ITGA8: variants seen among roughly 807,000 people sequenced by gnomAD.
ITGA8 encodes integrin subunit alpha 8.
ITGA8 carries 91 observed loss-of-function variants against 142.3 expected under a neutral mutation model. That is an observed-to-expected ratio of 0.64 (90% confidence interval 0.54 to 0.76). The LOEUF (loss-of-function observed/expected upper bound fraction) is 0.76, where lower values mean the gene tolerates loss of function less well. Among genes scored for constraint, ITGA8 ranks in the 30% least tolerant of loss-of-function variants. ITGA8 has a pLI of 0.00. For synonymous variants in ITGA8, 505 were observed against 485.2 expected (o/e 1.04, Z -0.54); for missense variants, 1,406 against 1,327.7 (o/e 1.06, Z -0.92).
intron 26 of ITGA8, among the ~76,000 whole-genome samples, chr10:15,550,516 T>A (rs1243368688): frequency 6.6e-6 from 1 of 152,172 alleles, no homozygotes; most frequent in East Asian, 1.9e-4. Flanking sequence ...TAGCCAGCTC[T>A]GCTAGAGGAT....
intron 8 of ITGA8, among the ~76,000 whole-genome samples, chr10:15,671,357 G>A (rs2131685333): frequency 6.6e-6 from 1 of 152,020 alleles, no homozygotes; most frequent in African/African-American, 2.4e-5. Flanking sequence ...TCATAACATG[G>A]GATTATGGCC....
intron 24 of ITGA8, among the ~76,000 whole-genome samples, 167 bp from the exon 25 acceptor site, chr10:15,572,536 A>G (rs1184342377): frequency 6.6e-6 from 1 of 152,190 alleles, no homozygotes; most frequent in Non-Finnish European, 1.5e-5. Flanking sequence ...GGCAAGAAGC[A>G]CTCTGAAAGC....
intron 13 of ITGA8, among the ~76,000 whole-genome samples, chr10:15,642,057 G>A (rs1300112092): frequency 6.6e-6 from 1 of 152,184 alleles, no homozygotes; most frequent in Non-Finnish European, 1.5e-5. Context: ...GAACCCAGGA[G>A]GTGGAAGTTG....
At chr10:15,636,137 T>A (rs183219594) in intron 13 of ITGA8, among the ~76,000 whole-genome samples, 2 of 152,330 alleles carry the variant, frequency 1.3e-5, no homozygotes, top group Admixed American at 1.3e-4. Flanking sequence ...ACAAAATCTG[T>A]ACCGCCCCTC....
intron 13 of ITGA8, among the ~76,000 whole-genome samples, chr10:15,641,550 C>G (rs897129902): frequency 2.6e-5 from 4 of 152,082 alleles, no homozygotes; most frequent in African/African-American, 9.7e-5. Context: ...GTTATAGAAT[C>G]ATGAATCACA....
chr10:15,719,537 G>C, intron 1 of ITGA8, 26 bp downstream of exon 1: 1 of 1,522,596 alleles, frequency 6.6e-7, no homozygotes, highest in Non-Finnish European at 8.7e-7. Context: ...GTCCCCGCGC[G>C]CACCTCCCCG....
At chr10:15,713,000 C>G (rs45447892) in intron 2 of ITGA8, among the ~76,000 whole-genome samples, 4 of 152,218 alleles carry the variant, frequency 2.6e-5, no homozygotes, top group Non-Finnish European at 4.4e-5. Flanking sequence ...CTCAACTAGC[C>G]ATACAGCAGA....
intron 3 of ITGA8, among the ~76,000 whole-genome samples, chr10:15,686,918 AAATC>A (rs1332891460): frequency 1.3e-5 from 2 of 152,220 alleles, no homozygotes; most frequent in Non-Finnish European, 2.9e-5. Flanking sequence ...ACACACAAAA[AAATC>A]AAAACAGTAT....
chr10:15,591,259 A>G (rs2131595848), intron 22 of ITGA8, among the ~76,000 whole-genome samples: 1 of 152,118 alleles, frequency 6.6e-6, no homozygotes, highest in South Asian at 2.1e-4. Flanking sequence ...GGTATAAATA[A>G]ATATAGAAGG....
chr10:15,658,770 T>C (rs1834232840), intron 10 of ITGA8, among the ~76,000 whole-genome samples: 1 of 152,204 alleles, frequency 6.6e-6, no homozygotes, highest in African/African-American at 2.4e-5. Flanking sequence ...TATTTGCTTG[T>C]TAATAAACTG....
chr10:15,593,147 T>C lies in ITGA8; in HGVS notation c.2212-843A>G, dbSNP rs1452379239. On this transcript the variant is annotated intron_variant, in intron 21 of 29. Transcript: ENST00000378076. ...TATAGGAAAACATTTCAGAATAATATGTTCTAGTTGAGGTTACAGTTACAT... is the reference window on the plus strand; with the variant it reads ...TATAGGAAAACATTTCAGAATAATACGTTCTAGTTGAGGTTACAGTTACAT... Among the ~76,000 whole-genome samples the C allele has an allele frequency of 2.6e-5, 4 of 152,220 alleles. No individual in the cohort carries two copies. The East Asian group carries it at 7.7e-4, about 29-fold the overall frequency.
At position 15,695,636 on chromosome 10, in the gene ITGA8, C is replaced by T. The variant is rs192988663; in HGVS notation, c.344-7598G>A. ...AAGTAATGTCTGTCAATACTCAGCA[C>T]TGTGTTAGCCCTTCCAGTCTCTTCT... On this transcript the variant is annotated intron_variant, in intron 2 of 29. Coordinates refer to ENST00000378076, the MANE Select transcript of ITGA8 (RefSeq NM_003638.3). Among the ~76,000 whole-genome samples, 632 of 152,302 alleles carry T rather than the reference C, an allele frequency of 4.1e-3. 2 individuals are homozygous for T. The highest frequency in any genetic ancestry group is 6.5e-3 in the Non-Finnish European group (442 of 68,034).
chr10:15,675,365 C>T (rs12774414), intron 6 of ITGA8, among the ~76,000 whole-genome samples: 11 of 152,128 alleles, frequency 7.2e-5, no homozygotes, highest in Admixed American at 1.3e-4. Flanking sequence ...CAGTAGCAGG[C>T]GTCAGAAACA....
At chr10:15,567,234 C>T (rs1834096886) in intron 25 of ITGA8, among the ~76,000 whole-genome samples, 1 of 151,926 alleles carries the variant, frequency 6.6e-6, no homozygotes, top group Admixed American at 6.6e-5. Context: ...ATAGGTTTTA[C>T]TTTTTCAACC....
At chr10:15,595,738 C>G (rs940178461) in intron 21 of ITGA8, among the ~76,000 whole-genome samples, 1 of 152,144 alleles carries the variant, frequency 6.6e-6, no homozygotes, top group African/African-American at 2.4e-5. Flanking sequence ...CAATTCATTT[C>G]TCTTTTGTCT....
intron 25 of ITGA8, among the ~76,000 whole-genome samples, chr10:15,562,597 T>A (rs1209833120): frequency 1.3e-5 from 2 of 152,176 alleles, no homozygotes; most frequent in Non-Finnish European, 2.9e-5. Context: ...AAAAATTTTC[T>A]TGAAGAGAAC....
chr10:15,697,632 G>A (rs1835081595), intron 2 of ITGA8, among the ~76,000 whole-genome samples: 1 of 152,224 alleles, frequency 6.6e-6, no homozygotes, highest in Non-Finnish European at 1.5e-5. Flanking sequence ...CCCATAGACA[G>A]TATGTTAAAT....
intron 23 of ITGA8, among the ~76,000 whole-genome samples, chr10:15,583,556 A>C (rs1477006210): frequency 6.6e-6 from 1 of 152,218 alleles, no homozygotes; most frequent in Non-Finnish European, 1.5e-5. Context: ...CTACTGATAC[A>C]TTCAAGAACA....
At chr10:15,555,567 G>T (rs985235690) in intron 26 of ITGA8, among the ~76,000 whole-genome samples, 3 of 152,160 alleles carry the variant, frequency 2.0e-5, no homozygotes, top group Non-Finnish European at 4.4e-5. Flanking sequence ...ACCCAGTCTG[G>T]AGAGGGTCAG....
Sources: gnomAD v4.1 joint callset for allele counts (sites outside exome capture counted in the v4.1 genomes callset) on GRCh38, gnomAD v4.1.1 for gene constraint, MANE v1.5 for transcripts, NCBI Gene and HGNC (gene_info 2026-07-23, HGNC 2026-07-21) for gene names.